Variants in PPIL6 observed in about 807,000 individuals in gnomAD.
The protein encoded by PPIL6 is peptidylprolyl isomerase like 6.
Under a neutral mutation model 36.8 loss-of-function variants are expected in PPIL6, and 39 were observed. That is an observed-to-expected ratio of 1.06 (90% CI 0.82 to 1.38). The LOEUF is 1.38. Ranked by LOEUF, PPIL6 falls within the 40% of genes most tolerant of loss-of-function variation. The pLI is 0.00. For synonymous variants in PPIL6, 123 were observed against 134.1 expected (o/e 0.92, Z 0.57); for missense variants, 368 against 379.1 (o/e 0.97, Z 0.24).
In PPIL6 at chr6:109,400,136, T is replaced by C. The variant is rs1355107780; in HGVS notation, c.723A>G (p.Gly241=). 1.2e-6 allele frequency: 2 copies of C among 1,613,368 alleles called. No individual in the cohort carries two copies. The highest frequency in any genetic ancestry group is 1.7e-6 in the Non-Finnish European group (2 of 1,179,456). The change falls in exon 7 of 8, where the codon GGA becomes GGG. Residue 241 remains glycine (G), a synonymous_variant. Coordinates refer to ENST00000521072, the MANE Select transcript of PPIL6 (RefSeq NM_173672.5). The part of the protein sequence containing the change: ...ENFSVPHNKR[G]VLGMANKGRH... ...GGCCTTTGTTGGCCATTCCAAGTACTCCTCTTTTATTATGAGGAACTGAAA... is the reference window on the plus strand; with the variant it reads ...GGCCTTTGTTGGCCATTCCAAGTACCCCTCTTTTATTATGAGGAACTGAAA...
At chr6:109,428,568 A>C (rs570638416) in intron 3 of PPIL6, among the ~76,000 whole-genome samples, 18 of 152,008 alleles carry the variant, frequency 1.2e-4, no homozygotes, top group African/African-American at 4.1e-4. Flanking sequence ...AAAAAAAAAA[A>C]AAACCACCTT....
chr6:109,441,062 C>A, upstream of PPIL6: 1 of 1,572,716 alleles, frequency 6.4e-7, no homozygotes, highest in Non-Finnish European at 8.7e-7. Flanking sequence ...CCGCCCCCGT[C>A]CCCACCGCGG....
intron 3 of PPIL6, among the ~76,000 whole-genome samples, chr6:109,427,735 A>C (rs1459430174): frequency 4.6e-5 from 7 of 152,204 alleles, no homozygotes; most frequent in Admixed American, 4.6e-4. Context: ...GCTCTGGAGA[A>C]CATTAACCTA....
chr6:109,414,765 G>GT (rs1773172508), intron 6 of PPIL6, among the ~76,000 whole-genome samples: 1 of 151,962 alleles, frequency 6.6e-6, no homozygotes, highest in African/African-American at 2.4e-5. Flanking sequence ...ACAATGCGGG[G>GT]GGTTAGGGAC....
chr6:109,421,459 GATGAA>G (rs1582570368), intron 5 of PPIL6, among the ~76,000 whole-genome samples: 1 of 152,336 alleles, frequency 6.6e-6, no homozygotes, highest in East Asian at 1.9e-4. Context: ...TAGCTCTGAG[GATGAA>G]ATGAAATAAC....
intron 2 of PPIL6, 146 bp downstream of exon 2, chr6:109,435,958 T>A: frequency 1.5e-6 from 1 of 687,312 alleles, no homozygotes; most frequent in Non-Finnish European, 2.6e-6. Flanking sequence ...AAATGATTAA[T>A]ACAATTTAGG....
chr6:109,431,372 A>AAC, intron 2 of PPIL6, 27 bp from the exon 3 acceptor site: 2 of 1,542,474 alleles, frequency 1.3e-6, no homozygotes, highest in African/African-American at 1.4e-5. Context: ...CAAAAAAAAA[A>AAC]AAAAACGTAA....
At position 109,440,522 on chromosome 6, in the gene PPIL6, C is replaced by A; in HGVS notation, c.69G>T (p.Pro23=). 1.3e-6 allele frequency: 2 copies of A among 1,503,712 alleles called. No individual in the cohort carries two copies. The highest frequency in any genetic ancestry group is 2.7e-5 in the East Asian group (1 of 36,896). The allele number at this position is 1,503,712 out of a possible 1,614,324, so 93.1% of individuals were successfully genotyped here. ...AGAGCCCCACCACCTTCACCTGCAG[C>A]GGCCGCTCCGGCAGCGACGGCGAGC... The part of the protein sequence containing the change: ...RCGSPSLPER[P]LQVKVVGLFS... The change falls in exon 1 of 8, where the codon CCG becomes CCT. Residue 23 remains proline, a synonymous_variant. Coordinates refer to ENST00000521072, the MANE Select transcript of PPIL6 (RefSeq NM_173672.5).
At chr6:109,436,004 C>T in intron 2 of PPIL6, 100 bp downstream of exon 2, 1 of 754,072 alleles carries the variant, frequency 1.3e-6, no homozygotes, top group East Asian at 2.5e-5. Context: ...AATCTAGTTA[C>T]ACTAAAATTA....
At position 109,416,494 on chromosome 6, in the gene PPIL6, C is replaced by T. The variant is rs1402307877; in HGVS notation, c.688+2693G>A. 4.8e-5 allele frequency among the ~76,000 whole-genome samples: 7 copies of T among 145,352 alleles called. No homozygotes were observed. The South Asian group carries it at 6.6e-4, about 14-fold the overall frequency. ...CTGGGATTACAGGTGTGAGCCACTG[C>T]GCCTGGCCTTTTTGTGGCTTTTTTT... On this transcript the variant is annotated intron_variant, in intron 6 of 7. Transcript: ENST00000521072.
intron 5 of PPIL6, among the ~76,000 whole-genome samples, chr6:109,422,851 C>A (rs1007688967): frequency 6.6e-6 from 1 of 152,314 alleles, no homozygotes; most frequent in African/African-American, 2.4e-5. Context: ...AGAAAATTCA[C>A]AACATGAAAT....
chr6:109,408,331 T>A (rs1338937689), intron 6 of PPIL6, among the ~76,000 whole-genome samples: 2 of 152,244 alleles, frequency 1.3e-5, no homozygotes, highest in Admixed American at 6.5e-5. Context: ...AAATAATTTT[T>A]CTTCAATGTC....
At chr6:109,438,735 C>T (rs1562277459) in intron 1 of PPIL6, among the ~76,000 whole-genome samples, 1 of 151,906 alleles carries the variant, frequency 6.6e-6, no homozygotes, top group African/African-American at 2.4e-5. Context: ...ATTACAGGCG[C>T]CCGCCACCAT....
chr6:109,391,653 C>T lies in PPIL6; in HGVS notation c.*1173G>A, dbSNP rs1216676808. On this transcript the variant is annotated 3_prime_UTR_variant, in exon 8 of 8. Coordinates refer to ENST00000521072, the MANE Select transcript of PPIL6 (RefSeq NM_173672.5). The stretch of plus-strand genomic sequence containing the variant: ...GGTCTGTTAGGTTACATTTTAAAAG[C>T]TCCCCAGGTGATATGAGCTTGAGAA... 6.6e-6 allele frequency: 1 copy of T among 152,168 alleles called. No homozygotes were observed. Among genetic ancestry groups the T allele is most frequent in the Non-Finnish European group, 1.5e-5 (1 of 68,044 alleles). The allele number at this position is 152,168 out of a possible 1,614,324, so 9.4% of individuals were successfully genotyped here.
At position 109,431,226 on chromosome 6, in the gene PPIL6, G is replaced by A. The variant is rs749678066; in HGVS notation, c.351C>T (p.Asp117=). Residue 117 remains aspartate, a synonymous_variant, in exon 3 of 8, where the codon GAC becomes GAT. Transcript: ENST00000521072. ...CGTCATAAAGTGCAGAGGGTTTAAT[G>A]TCAACTATATCCCACACCTCGTGGG... The part of the protein sequence containing the change: ...KWAHEVWDIV[D]IKPSALYDAL... The A allele has an allele frequency of 1.2e-6, 2 of 1,614,014 alleles. No homozygotes were observed. The highest frequency in any genetic ancestry group is 8.5e-7 in the Non-Finnish European group (1 of 1,179,948).
chr6:109,401,317 T>G (rs900397378), intron 6 of PPIL6, among the ~76,000 whole-genome samples: 2 of 152,192 alleles, frequency 1.3e-5, no homozygotes, highest in South Asian at 4.1e-4. Flanking sequence ...GACGTACCAT[T>G]CCCAGCTTTG....
intron 3 of PPIL6, 42 bp from the exon 4 acceptor site, chr6:109,427,198 T>C (rs1773868617): frequency 6.7e-7 from 1 of 1,482,946 alleles, no homozygotes; most frequent in Non-Finnish European, 9.2e-7. Context: ...GGTCAAAGTC[T>C]TACAAGAAAG....
At position 109,392,596 on chromosome 6, in the gene PPIL6, A is replaced by AGGG. The variant is rs1772133840; in HGVS notation, c.*229_*230insCCC. On this transcript the variant is annotated 3_prime_UTR_variant, in exon 8 of 8. Transcript: ENST00000521072. ...GTCCCACTGGCCAGAACCATCTCTCATGGCCACCCGTGGCTGCAAAGGAGT... is the reference window on the plus strand; with the variant it reads ...GTCCCACTGGCCAGAACCATCTCTCAGGGTGGCCACCCGTGGCTGCAAAGGAGT... 4.4e-6 allele frequency: 2 copies of AGGG among 450,802 alleles called. No homozygotes were observed. Among genetic ancestry groups the AGGG allele is most frequent in the African/African-American group, 4.1e-5 (2 of 49,046 alleles). The allele number at this position is 450,802 out of a possible 1,614,324, so 27.9% of individuals were successfully genotyped here. A position where few individuals can be genotyped will look rare whatever the true frequency, so the allele number is the denominator to read the frequency against.
At chr6:109,435,296 C>CTT (rs911840164) in intron 2 of PPIL6, among the ~76,000 whole-genome samples, 27 of 131,938 alleles carry the variant, frequency 2.0e-4, no homozygotes, top group African/African-American at 4.6e-4. Flanking sequence ...AAATGTTGCA[C>CTT]TTTTTTTTTT....
Sources: allele counts gnomAD v4.1 joint callset (sites outside exome capture counted in the v4.1 genomes callset), GRCh38; gene constraint gnomAD v4.1.1; transcripts MANE v1.5; gene names NCBI Gene and HGNC (gene_info 2026-07-23, HGNC 2026-07-21).